The following LINGO2 variants were observed in gnomAD, a reference collection of about 807,000 sequenced individuals.
The protein encoded by LINGO2 is leucine-rich repeat and immunoglobulin-like domain-containing nogo receptor-interacting protein 2.
A neutral mutation model predicts 30.6 loss-of-function variants in LINGO2; 14 were observed. That is an observed-to-expected ratio of 0.46 (90% CI 0.30 to 0.72). LINGO2 has a LOEUF of 0.72. LINGO2 is among the 30% of genes least tolerant of loss of function. The probability of loss-of-function intolerance (pLI) is 0.07; values close to 1 mark genes in which losing one functional copy is unlikely to be tolerated. For missense variants in LINGO2, 729 were observed against 751.7 expected (o/e 0.97, Z 0.35); for synonymous variants, 317 against 288.5 (o/e 1.10, Z -1.00).
the LINGO2 span, among the ~76,000 whole-genome samples, chr9:29,133,249 T>C: frequency 6.6e-6 from 1 of 152,178 alleles, no homozygotes; most frequent in Non-Finnish European, 1.5e-5. Flanking sequence ...GAATAAATTT[T>C]TCCGCATTCA....
At chr9:28,803,264 A>C in the LINGO2 span, among the ~76,000 whole-genome samples, 1 of 151,876 alleles carries the variant, frequency 6.6e-6, no homozygotes, top group Non-Finnish European at 1.5e-5. Context: ...ATAACACAAA[A>C]GTCAAAGTGC....
intron 4 of LINGO2, among the ~76,000 whole-genome samples, chr9:28,040,834 A>G (rs1451216229): frequency 6.6e-6 from 1 of 152,096 alleles, no homozygotes; most frequent in African/African-American, 2.4e-5. Context: ...AAATTCACTT[A>G]TTTTCCCACT....
At chr9:28,248,416 A>T (rs1822078771) in intron 4 of LINGO2, among the ~76,000 whole-genome samples, 1 of 152,154 alleles carries the variant, frequency 6.6e-6, no homozygotes, top group South Asian at 2.1e-4. Context: ...GAAGAATTAA[A>T]CTCATGGACA....
the LINGO2 span, among the ~76,000 whole-genome samples, chr9:29,179,731 T>C: frequency 3.3e-5 from 5 of 152,194 alleles, 1 homozygote; most frequent in African/African-American, 1.2e-4. Context: ...TGAGTGCTTG[T>C]ATGTGCTATT....
intron 5 of LINGO2, among the ~76,000 whole-genome samples, chr9:27,991,534 G>A (rs1033983914): frequency 1.3e-5 from 2 of 152,012 alleles, no homozygotes; most frequent in African/African-American, 2.4e-5. Context: ...AGGCGTCAAG[G>A]CATCCTTATT....
chr9:28,002,924 T>C (rs1429570782), intron 5 of LINGO2, among the ~76,000 whole-genome samples: 1 of 152,144 alleles, frequency 6.6e-6, no homozygotes. Context: ...TGTGTGAGTG[T>C]GCCCTACAAT....
intron 4 of LINGO2, among the ~76,000 whole-genome samples, chr9:28,166,688 T>C (rs1828435553): frequency 6.6e-6 from 1 of 152,150 alleles, no homozygotes. Flanking sequence ...TGTACAAACA[T>C]GTATTGGGGC....
At chr9:28,871,510 A>T in the LINGO2 span, among the ~76,000 whole-genome samples, 1 of 151,836 alleles carries the variant, frequency 6.6e-6, no homozygotes, top group African/African-American at 2.4e-5. Context: ...TCATATGACA[A>T]TATATTCAGC....
chr9:28,152,597 T>C (rs1031677082), intron 4 of LINGO2, among the ~76,000 whole-genome samples: 1 of 152,042 alleles, frequency 6.6e-6, no homozygotes, highest in African/African-American at 2.4e-5. Context: ...GAATGCAACA[T>C]GTATAAAAAT....
the LINGO2 span, among the ~76,000 whole-genome samples, chr9:28,758,797 G>A: frequency 3.9e-5 from 6 of 151,970 alleles, no homozygotes; most frequent in African/African-American, 1.5e-4. Context: ...AAGGATAGAA[G>A]GTATCATTAG....
chr9:29,089,685 T>C, the LINGO2 span, among the ~76,000 whole-genome samples: 1 of 152,218 alleles, frequency 6.6e-6, no homozygotes, highest in Non-Finnish European at 1.5e-5. Context: ...GGAAATATAA[T>C]TTGGTTCCTA....
chr9:28,172,551 G>A (rs1828633560), intron 4 of LINGO2, among the ~76,000 whole-genome samples: 1 of 152,062 alleles, frequency 6.6e-6, no homozygotes, highest in South Asian at 2.1e-4. Flanking sequence ...GGATATTTTT[G>A]TGATTAAAAA....
intron 4 of LINGO2, among the ~76,000 whole-genome samples, chr9:28,256,898 G>A (rs984257162): frequency 6.6e-6 from 1 of 151,720 alleles, no homozygotes; most frequent in African/African-American, 2.4e-5. Context: ...TTAAATATAT[G>A]TTTAGCAAAG....
chr9:28,572,673 A>G (rs752070266), intron 1 of LINGO2, among the ~76,000 whole-genome samples: 5 of 148,422 alleles, frequency 3.4e-5, no homozygotes, highest in Non-Finnish European at 7.4e-5. Context: ...GAATAGCAAA[A>G]TGTCCCGTGA....
intron 4 of LINGO2, among the ~76,000 whole-genome samples, chr9:28,054,969 T>G: frequency 6.6e-6 from 1 of 152,092 alleles, no homozygotes; most frequent in East Asian, 1.9e-4. Context: ...ATGTGAATAC[T>G]CCTTACATAA....
the LINGO2 span, among the ~76,000 whole-genome samples, chr9:28,870,903 G>A: frequency 6.6e-6 from 1 of 151,896 alleles, no homozygotes; most frequent in Non-Finnish European, 1.5e-5. Flanking sequence ...TCAGCCAAAG[G>A]CGACAGAAAA....
intron 2 of LINGO2, among the ~76,000 whole-genome samples, chr9:28,410,759 C>A (rs996775805): frequency 3.7e-4 from 57 of 152,128 alleles, no homozygotes; most frequent in African/African-American, 1.3e-3. Context: ...TCTATTGCAT[C>A]ATTAGTTTTG....
chr9:28,066,802 A>G (rs1414797352), intron 4 of LINGO2, among the ~76,000 whole-genome samples: 1 of 152,066 alleles, frequency 6.6e-6, no homozygotes, highest in Non-Finnish European at 1.5e-5. Flanking sequence ...GGCTGTCAAT[A>G]TAATCTAAGC....
At chr9:28,680,655 T>G in the LINGO2 span, among the ~76,000 whole-genome samples, 2 of 152,144 alleles carry the variant, frequency 1.3e-5, no homozygotes, top group African/African-American at 4.8e-5. Flanking sequence ...AGGTGTTATC[T>G]TTTTATTTTA....
Sources: gnomAD v4.1 joint callset for allele counts (sites outside exome capture counted in the v4.1 genomes callset) on GRCh38, gnomAD v4.1.1 for gene constraint, MANE v1.5 for transcripts, NCBI Gene and HGNC (gene_info 2026-07-23, HGNC 2026-07-21) for gene names.